ZNF726: variants seen among roughly 807,000 people sequenced by gnomAD.
ZNF726 encodes the protein zinc finger protein 726, also known as zinc finger protein 92 pseudogene 3.
Under a neutral mutation model 11.6 loss-of-function variants are expected in ZNF726, and 15 were observed. The ratio of observed to expected loss-of-function variants is 1.29; its 90% CI spans 0.86 to 1.99. The LOEUF is 1.99. Ranked by LOEUF, ZNF726 falls within the 30% of genes most tolerant of loss-of-function variation. The pLI is 0.00. For synonymous variants in ZNF726, 295 were observed against 243.6 expected (o/e 1.21, Z -1.96); for missense variants, 890 against 725.6 (o/e 1.23, Z -2.60).
Position 23,933,741 on chromosome 19 carries a change from G to C in ZNF726, c.1625G>C (p.Cys542Ser). 6.2e-7 allele frequency: 1 copy of C among 1,612,046 alleles called. No individual in the cohort carries two copies. Among genetic ancestry groups the C allele is most frequent in the Non-Finnish European group, 8.5e-7 (1 of 1,179,846 alleles). The change falls in exon 4 of 4, where the codon TGT (cysteine) becomes TCT (serine). Residue 542 changes from cysteine to serine, a missense_variant. Physicochemically the swap from Cys to Ser is moderately radical, Grantham distance 112. Transcript: ENST00000594466. Reference protein sequence around the residue: ...TGEKPYKCEECGKTFNQSSNL... With the variant: ...TGEKPYKCEESGKTFNQSSNL... ...GAGAAACCCTACAAATGTGAAGAAT[G>C]TGGCAAAACTTTTAATCAATCCTCA...
At chr19:23,915,890 A>C (rs945757900) in intron 1 of ZNF726, among the ~76,000 whole-genome samples, 7 of 152,144 alleles carry the variant, frequency 4.6e-5, no homozygotes, top group African/African-American at 1.7e-4. Context: ...CCTAGTTCTT[A>C]ATTTTTACAA....
At position 23,933,938 on chromosome 19, in the gene ZNF726, C is replaced by T. The variant is rs752442835; in HGVS notation, c.1822C>T (p.Leu608Phe). 3 of 1,580,800 alleles carry T rather than the reference C, an allele frequency of 1.9e-6. No homozygotes were observed. Among genetic ancestry groups the T allele is most frequent in the African/African-American group, 2.7e-5 (2 of 73,488 alleles). ...CAAATCATTTATCTGGTCCTCAACC[C>T]TTTTTAAGCATAAGAGGATTCATAC... Reference protein sequence around the residue: ...CGKSFIWSSTLFKHKRIHT With the variant: ...CGKSFIWSSTFFKHKRIHT The change falls in exon 4 of 4, where the codon CTT becomes TTT. Residue 608 changes from leucine (L) to phenylalanine (F), a missense_variant. Physicochemically the swap from Leu to Phe is conservative, Grantham distance 22. Coordinates refer to ENST00000594466, the MANE Select transcript of ZNF726 (RefSeq NM_001244038.2).
intron 3 of ZNF726, among the ~76,000 whole-genome samples, chr19:23,927,082 A>G (rs1968005239): frequency 6.6e-6 from 1 of 152,002 alleles, no homozygotes; most frequent in African/African-American, 2.4e-5. Context: ...GGTTCAAGCA[A>G]TTCTCCTGTC....
intron 1 of ZNF726, 142 bp downstream of exon 1, chr19:23,915,139 C>T: frequency 1.6e-6 from 2 of 1,277,854 alleles, no homozygotes; most frequent in South Asian, 1.3e-5. Flanking sequence ...GGCCTCAGTC[C>T]CTTCAGCCTT....
downstream of ZNF726, chr19:23,934,570 C>T (rs922012498): frequency 3.7e-5 from 13 of 355,202 alleles, no homozygotes; most frequent in Non-Finnish European, 6.0e-5. Flanking sequence ...TTTCTAGAAT[C>T]AAGAAGGGTG....
At chr19:23,941,559 A>G (rs1162063353) in intron 3 of ZNF726, among the ~76,000 whole-genome samples, 1 of 151,984 alleles carries the variant, frequency 6.6e-6, no homozygotes, top group African/African-American at 2.4e-5. Context: ...ATTGGTACCA[A>G]TTCTTTGAAT....
At chr19:23,927,726 C>G (rs767613892) in intron 3 of ZNF726, 1 of 152,192 alleles carries the variant, frequency 6.6e-6, no homozygotes, top group Non-Finnish European at 1.5e-5. Context: ...AAGTGATCCT[C>G]CCACCTTGGT....
chr19:23,936,181 G>C (rs1599472493), downstream of ZNF726: 1 of 152,294 alleles, frequency 6.6e-6, no homozygotes, highest in Non-Finnish European at 1.5e-5. Flanking sequence ...CATTAAATAT[G>C]AAAGATGTTC....
Position 23,933,742 on chromosome 19 carries a change from T to C in ZNF726, c.1626T>C (p.Cys542=), listed in dbSNP as rs1389703314. 6.2e-7 allele frequency: 1 copy of C among 1,611,810 alleles called. No individual in the cohort carries two copies. Among genetic ancestry groups the C allele is most frequent in the Non-Finnish European group, 8.5e-7 (1 of 1,179,810 alleles). ...AGAAACCCTACAAATGTGAAGAATG[T>C]GGCAAAACTTTTAATCAATCCTCAA... The part of the protein sequence containing the change: ...TGEKPYKCEE[C]GKTFNQSSNL... Residue 542 remains cysteine (C), a synonymous_variant, in exon 4 of 4, where the codon TGT becomes TGC. Coordinates refer to ENST00000594466, the MANE Select transcript of ZNF726 (RefSeq NM_001244038.2).
intron 1 of ZNF726, among the ~76,000 whole-genome samples, chr19:23,916,011 T>A (rs1390251352): frequency 6.6e-6 from 1 of 152,226 alleles, no homozygotes; most frequent in Non-Finnish European, 1.5e-5. Context: ...TACAAAAAAA[T>A]GCTCTTGAGT....
chr19:23,937,720 G>A (rs1442099032), downstream of ZNF726, among the ~76,000 whole-genome samples: 7 of 152,054 alleles, frequency 4.6e-5, no homozygotes, highest in East Asian at 1.9e-4. Context: ...AGGTAGAGAC[G>A]CTCCTCACTT....
intron 3 of ZNF726, chr19:23,921,087 C>A (rs118190828): frequency 6.6e-6 from 1 of 151,992 alleles, no homozygotes; most frequent in African/African-American, 2.4e-5. Flanking sequence ...CACGAGGTCA[C>A]GAATTTGAGA....
At chr19:23,935,365 G>A (rs1337305772), downstream of ZNF726, 1 of 527,782 alleles carries the variant, frequency 1.9e-6, no homozygotes, top group East Asian at 5.3e-5. Flanking sequence ...ATTCATGCTG[G>A]ACAGCAACCC....
chr19:23,918,495 G>A (rs995562210), intron 1 of ZNF726, among the ~76,000 whole-genome samples: 3 of 152,122 alleles, frequency 2.0e-5, no homozygotes, highest in Admixed American at 6.5e-5. Flanking sequence ...TAAAAATGAT[G>A]TTTTCTTAGG....
chr19:23,932,329 T>G lies in ZNF726; in HGVS notation c.227-14T>G, dbSNP rs751118958. 4 of 1,324,442 alleles carry G rather than the reference T, an allele frequency of 3.0e-6. No homozygotes were observed. Among genetic ancestry groups the G allele is most frequent in the Non-Finnish European group, 2.9e-6 (3 of 1,032,602 alleles). 82.0% of individuals were successfully genotyped at this position (1,324,442 alleles called of 1,614,324 possible). On this transcript the variant is annotated splice_polypyrimidine_tract_variant and intron_variant, in intron 3 of 3. Transcript: ENST00000594466. ...GTATAGTAAGTGGAGTAAATTATTT[T>G]AATTTTTTTTTAGGTATATGTCCTC...
chr19:23,933,791 C>G lies in ZNF726; in HGVS notation c.1675C>G (p.His559Asp), dbSNP rs564356413. ...AAATCTTAGTACACATAAGATAATT[C>G]ATACTGGAGAGAAACCTTACAAGTG... ...SSNLSTHKII[H>D]TGEKPYKCEE... The change falls in exon 4 of 4, where the codon CAT becomes GAT. Residue 559 changes from histidine to aspartate, a missense_variant. Transcript: ENST00000594466. 11 of 1,607,824 alleles carry G rather than the reference C, an allele frequency of 6.8e-6. No individual in the cohort carries two copies. In the South Asian group the frequency reaches 1.2e-4, roughly 18 times the overall value.
downstream of ZNF726, among the ~76,000 whole-genome samples, chr19:23,937,616 C>T (rs1380014491): frequency 4.0e-5 from 6 of 151,468 alleles, no homozygotes; most frequent in East Asian, 1.2e-3. Context: ...TCCTCACTTC[C>T]TAGATGGGAT....
chr19:23,941,741 T>A (rs957570848), intron 3 of ZNF726, among the ~76,000 whole-genome samples: 2 of 152,156 alleles, frequency 1.3e-5, no homozygotes, highest in Non-Finnish European at 2.9e-5. Context: ...TCTTCTAGAT[T>A]TTCTAGTTTA....
downstream of ZNF726, among the ~76,000 whole-genome samples, chr19:23,934,640 C>T (rs545530586): frequency 1.4e-4 from 21 of 152,284 alleles, no homozygotes; most frequent in South Asian, 6.2e-4. Context: ...CAGCAGCCTC[C>T]GGACCCCCAA....
Sources: gnomAD v4.1 joint callset for allele counts (sites outside exome capture counted in the v4.1 genomes callset) on GRCh38, gnomAD v4.1.1 for gene constraint, MANE v1.5 for transcripts, NCBI Gene and HGNC (gene_info 2026-07-23, HGNC 2026-07-21) for gene names.